Variants in MAML3 observed in about 807,000 individuals in gnomAD.
The protein encoded by MAML3 is mastermind-like protein 3.
Under a neutral mutation model 101.9 loss-of-function variants are expected in MAML3, and 27 were observed. The observed-to-expected ratio is 0.27, with a 90% CI of 0.20 to 0.37. MAML3 has a LOEUF of 0.37. Among genes scored for constraint, MAML3 ranks in the 10% least tolerant of loss-of-function variants. MAML3 has a pLI of 1.00. For missense variants in MAML3, 1,316 were observed against 1,444.9 expected, an observed-to-expected ratio of 0.91 and a Z score of 1.45; for synonymous variants, 501 against 555.9, an observed-to-expected ratio of 0.90 and a Z score of 1.39.
intron 1 of MAML3, among the ~76,000 whole-genome samples, chr4:140,024,384 T>C (rs1157462290): frequency 6.6e-6 from 1 of 152,152 alleles, no homozygotes; most frequent in African/African-American, 2.4e-5. Flanking sequence ...CACATCACTG[T>C]GCCTGGCTAA....
chr4:140,108,125 C>T (rs1169051522), intron 1 of MAML3, among the ~76,000 whole-genome samples: 1 of 152,026 alleles, frequency 6.6e-6, no homozygotes, highest in African/African-American at 2.4e-5. Flanking sequence ...ATCCTCTATC[C>T]CTCCCAACCC....
At chr4:139,809,147 T>C (rs1246727657) in intron 2 of MAML3, among the ~76,000 whole-genome samples, 1 of 152,190 alleles carries the variant, frequency 6.6e-6, no homozygotes, top group African/African-American at 2.4e-5. Flanking sequence ...GAGCTTGGGA[T>C]TAAACTGACA....
chr4:139,775,480 T>C (rs972245385), intron 2 of MAML3, among the ~76,000 whole-genome samples: 1 of 152,014 alleles, frequency 6.6e-6, no homozygotes, highest in African/African-American at 2.4e-5. Flanking sequence ...GTAGGGAAGA[T>C]TTGATTTCAC....
chr4:139,916,551 C>T lies in MAML3; in HGVS notation c.469-25584G>A, dbSNP rs191053442. 2.6e-5 allele frequency among the ~76,000 whole-genome samples: 4 copies of T among 152,326 alleles called. No homozygotes were observed. The East Asian group carries it at 5.8e-4, about 22-fold the overall frequency. On this transcript the variant is annotated intron_variant, in intron 1 of 4. Transcript: ENST00000509479. Reference sequence around the variant, plus strand: ...ATATAAGGACACATTTCCCAGGAAACCAATCCTGCTCGTAAGCATGTATGC... The same window carrying T: ...ATATAAGGACACATTTCCCAGGAAATCAATCCTGCTCGTAAGCATGTATGC...
chr4:139,994,481 A>G (rs535462879), intron 1 of MAML3, among the ~76,000 whole-genome samples: 10 of 152,294 alleles, frequency 6.6e-5, no homozygotes, highest in Admixed American at 6.5e-4. Context: ...GCTGGGCAAC[A>G]TAGCAAGACT....
intron 1 of MAML3, among the ~76,000 whole-genome samples, chr4:140,102,411 C>G (rs1032342109): frequency 1.3e-5 from 2 of 152,186 alleles, no homozygotes; most frequent in Non-Finnish European, 2.9e-5. Context: ...AGTCCAAGAT[C>G]AAGGTGCCAA....
chr4:139,833,391 G>C (rs997663483), intron 2 of MAML3, among the ~76,000 whole-genome samples: 4 of 152,174 alleles, frequency 2.6e-5, no homozygotes, highest in Non-Finnish European at 5.9e-5. Context: ...ATTACATCCT[G>C]GCCCGTCTGT....
chr4:140,060,362 T>G (rs1727423553), intron 1 of MAML3, among the ~76,000 whole-genome samples: 1 of 498 alleles, frequency 2.0e-3, no homozygotes, highest in African/African-American at 2.3e-3. Flanking sequence ...TAAGACTCTG[T>G]CTCAAAAAAA....
At chr4:139,987,942 A>C (rs985229233) in intron 1 of MAML3, among the ~76,000 whole-genome samples, 1 of 148,298 alleles carries the variant, frequency 6.7e-6, no homozygotes, top group African/African-American at 2.5e-5. Context: ...GAATCGCTTG[A>C]ACTCAGGAGG....
At position 139,934,098 on chromosome 4, in the gene MAML3, AGT is replaced by A. The variant is rs549770337; in HGVS notation, c.469-43133_469-43132del. Reference sequence around the variant, plus strand: ...GTGTGAATATATGAATGTGTGAATGAGTGTGTGTCTATGTGTGTGAATACGTG... The same window carrying A: ...GTGTGAATATATGAATGTGTGAATGAGTGTGTCTATGTGTGTGAATACGTG... On this transcript the variant is annotated intron_variant, in intron 1 of 4. Transcript: ENST00000509479. 9.2e-5 allele frequency among the ~76,000 whole-genome samples: 14 copies of A among 152,024 alleles called. No homozygotes were observed. The East Asian group carries it at 1.5e-3, about 17-fold the overall frequency.
chr4:140,134,140 T>C lies in MAML3; in HGVS notation c.468+18720A>G, dbSNP rs551894652. On this transcript the variant is annotated intron_variant, in intron 1 of 4. Coordinates refer to ENST00000509479, the MANE Select transcript of MAML3 (RefSeq NM_018717.5). ...GGGCAAGAAGAGTCAACTGCAGGTC[T>C]TTTGTGGCTCATTATCTTCTTGCTT... The C allele has an allele frequency of 1.3e-5, 6 of 456,770 alleles. No homozygotes were observed. In the East Asian group the frequency reaches 4.2e-4, roughly 32 times the overall value. 28.3% of individuals were successfully genotyped at this position (456,770 alleles called of 1,614,324 possible).
At chr4:140,107,313 G>T (rs778673332) in intron 1 of MAML3, among the ~76,000 whole-genome samples, 40 of 152,158 alleles carry the variant, frequency 2.6e-4, no homozygotes, top group Non-Finnish European at 5.1e-4. Context: ...TTAACACAGA[G>T]ATTAAATCTG....
At chr4:140,108,046 C>T (rs1482336186) in intron 1 of MAML3, among the ~76,000 whole-genome samples, 1 of 152,130 alleles carries the variant, frequency 6.6e-6, no homozygotes, top group Non-Finnish European at 1.5e-5. Context: ...TCCCCAATCA[C>T]ATATATGACA....
intron 2 of MAML3, among the ~76,000 whole-genome samples, chr4:139,875,048 C>T (rs1373668933): frequency 3.9e-5 from 6 of 152,084 alleles, no homozygotes; most frequent in African/African-American, 1.4e-4. Flanking sequence ...CGTGATCTGC[C>T]CACCTCGGCC....
At chr4:139,977,730 G>A (rs1183944323) in intron 1 of MAML3, among the ~76,000 whole-genome samples, 2 of 151,902 alleles carry the variant, frequency 1.3e-5, no homozygotes, top group Non-Finnish European at 2.9e-5. Flanking sequence ...AAAATCAGCT[G>A]GGTGTGGTGG....
chr4:140,119,987 C>T (rs1728578672), intron 1 of MAML3, among the ~76,000 whole-genome samples: 2 of 152,028 alleles, frequency 1.3e-5, no homozygotes, highest in African/African-American at 4.8e-5. Context: ...CCTGTAATCC[C>T]AGCACTTTGG....
chr4:140,132,997 G>C, intron 1 of MAML3: 1 of 393,140 alleles, frequency 2.5e-6, no homozygotes, highest in South Asian at 1.9e-5. Context: ...CTGACTATAA[G>C]TACTATCAAA....
intron 1 of MAML3, among the ~76,000 whole-genome samples, chr4:139,911,947 C>T (rs376681575): frequency 2.0e-4 from 30 of 152,342 alleles, no homozygotes; most frequent in African/African-American, 6.0e-4. Context: ...ACATACCACA[C>T]TTGGTTTATC....
intron 1 of MAML3, among the ~76,000 whole-genome samples, chr4:139,895,840 A>AT (rs1560828920): frequency 6.6e-6 from 1 of 152,212 alleles, no homozygotes; most frequent in Non-Finnish European, 1.5e-5. Flanking sequence ...TCAGCATGCC[A>AT]CCTGATTGGA....
Sources: allele counts gnomAD v4.1 joint callset (sites outside exome capture counted in the v4.1 genomes callset), GRCh38; gene constraint gnomAD v4.1.1; transcripts MANE v1.5; gene names NCBI Gene and HGNC (gene_info 2026-07-23, HGNC 2026-07-21).